GAL3ST1: variants seen among roughly 807,000 people sequenced by gnomAD.
GAL3ST1 encodes the protein galactosylceramide sulfotransferase.
A neutral mutation model predicts 25.0 loss-of-function variants in GAL3ST1; 13 were observed. That is an observed-to-expected ratio of 0.52 (90% CI 0.34 to 0.83). GAL3ST1 has a LOEUF of 0.83. Among genes scored for constraint, GAL3ST1 ranks in the 40% least tolerant of loss-of-function variants. GAL3ST1 has a pLI of 0.02. For synonymous variants in GAL3ST1, 274 were observed against 277.8 expected (o/e 0.99, Z 0.14); for missense variants, 474 against 613.6 (o/e 0.77, Z 2.40).
rs1222913559 is a variant in GAL3ST1, at chr22:30,555,037, G to C, written c.1188C>G (p.Pro396=). The change falls in exon 4 of 4, where the codon CCC becomes CCG. Residue 396 remains proline (P), a synonymous_variant. Coordinates refer to ENST00000406361, the MANE Select transcript of GAL3ST1 (RefSeq NM_001318104.2). This position sits in a 1 kb window ranked among gnomAD's most constrained non-coding sequence, Gnocchi z 8.6. ...HAQLCRRMLT[P]EIQYLMDLGA... Reference sequence around the variant, plus strand: ...CGAGGTCCATCAGGTACTGGATCTCGGGCGTGAGCATGCGCCGGCAGAGCT... The same window carrying C: ...CGAGGTCCATCAGGTACTGGATCTCCGGCGTGAGCATGCGCCGGCAGAGCT... The C allele has an allele frequency of 3.1e-6, 5 of 1,611,188 alleles. No homozygotes were observed. Among genetic ancestry groups the C allele is most frequent in the Non-Finnish European group, 4.2e-6 (5 of 1,178,434 alleles).
At chr22:30,568,346 A>G (rs2086684516) in intron 1 of GAL3ST1, among the ~76,000 whole-genome samples, 1 of 152,148 alleles carries the variant, frequency 6.6e-6, no homozygotes, top group South Asian at 2.1e-4. Context: ...CAGTGTCCTC[A>G]CATAACTGGG....
chr22:30,554,907 C>T lies in GAL3ST1; in HGVS notation c.*46G>A, dbSNP rs2085894936. 2 of 1,455,246 alleles carry T rather than the reference C, an allele frequency of 1.4e-6. No homozygotes were observed. Among genetic ancestry groups the T allele is most frequent in the East Asian group, 4.6e-5 (2 of 43,024 alleles). The allele number at this position is 1,455,246 out of a possible 1,614,324, so 90.1% of individuals were successfully genotyped here. ...GCACCAGCGGCGTCCTGCTCAGCCC[C>T]TCTGCAGGGAGCGAGCAGGCAGGCA... On this transcript the variant is annotated 3_prime_UTR_variant, in exon 4 of 4. Coordinates refer to ENST00000406361, the MANE Select transcript of GAL3ST1 (RefSeq NM_001318104.2).
Position 30,555,384 on chromosome 22 carries a change from G to A in GAL3ST1, c.841C>T (p.Arg281Cys). ...AGCCGCGGCACGGGCGAGTCGCGGC[G>A]GGCGTTGAGCTTGAAGTAGAGCACG... ...EDVLYFKLNARRDSPVPRLSG... is the reference protein window; with the variant it reads ...EDVLYFKLNACRDSPVPRLSG... Residue 281 changes from arginine (R) to cysteine (C), a missense_variant, in exon 4 of 4, where the codon CGC becomes TGC. Coordinates refer to ENST00000406361, the MANE Select transcript of GAL3ST1 (RefSeq NM_001318104.2). The surrounding 1 kb of genome is among the most constrained non-coding windows in gnomAD (Gnocchi z 8.6). 6.2e-7 allele frequency: 1 copy of A among 1,608,578 alleles called. No homozygotes were observed. The highest frequency in any genetic ancestry group is 8.5e-7 in the Non-Finnish European group (1 of 1,179,800).
intron 1 of GAL3ST1, among the ~76,000 whole-genome samples, chr22:30,558,828 A>G (rs879339310): frequency 2.0e-5 from 3 of 152,216 alleles, no homozygotes; most frequent in Non-Finnish European, 4.4e-5. Flanking sequence ...CAGTATAAGT[A>G]TATTCCAAAT....
At chr22:30,574,182 A>G (rs1240435613) in intron 1 of GAL3ST1, among the ~76,000 whole-genome samples, 1 of 151,862 alleles carries the variant, frequency 6.6e-6, no homozygotes, top group East Asian at 2.0e-4. Flanking sequence ...TGCCCCACCC[A>G]TCCCACCTTC....
intron 1 of GAL3ST1, among the ~76,000 whole-genome samples, chr22:30,570,302 T>G (rs1016391315): frequency 6.6e-6 from 1 of 152,206 alleles, no homozygotes; most frequent in Non-Finnish European, 1.5e-5. Context: ...TAGTGCAGAT[T>G]TGACAGCAGC....
At chr22:30,559,541 T>C (rs994159099) in intron 1 of GAL3ST1, among the ~76,000 whole-genome samples, 1 of 152,048 alleles carries the variant, frequency 6.6e-6, no homozygotes, top group African/African-American at 2.4e-5. Flanking sequence ...GCCTGGCCCA[T>C]TTTTATACAT....
chr22:30,559,576 A>AT (rs1256693291), intron 1 of GAL3ST1, among the ~76,000 whole-genome samples: 1 of 151,924 alleles, frequency 6.6e-6, no homozygotes, highest in African/African-American at 2.4e-5. Flanking sequence ...TTATATTATT[A>AT]TTTTTGAGAT....
intron 1 of GAL3ST1, among the ~76,000 whole-genome samples, chr22:30,566,485 G>A (rs912242940): frequency 2.6e-5 from 4 of 152,190 alleles, no homozygotes; most frequent in African/African-American, 9.7e-5. Flanking sequence ...CAAGAAGTGA[G>A]ATCGTGGCTG....
chr22:30,563,811 G>C (rs1356351807), intron 1 of GAL3ST1, among the ~76,000 whole-genome samples: 2 of 151,736 alleles, frequency 1.3e-5, no homozygotes, highest in Non-Finnish European at 2.9e-5. Context: ...AGCTACTCAG[G>C]AGGCTGAGGC....
intron 2 of GAL3ST1, among the ~76,000 whole-genome samples, chr22:30,557,978 C>T (rs2086141847): frequency 6.6e-6 from 1 of 151,684 alleles, no homozygotes; most frequent in Non-Finnish European, 1.5e-5. Flanking sequence ...AAAATAGAGA[C>T]AGTTTTGCCA....
In GAL3ST1 at chr22:30,555,570, A is replaced by G; in HGVS notation, c.655T>C (p.Phe219Leu). The G allele has an allele frequency of 6.2e-7, 1 of 1,613,562 alleles. No homozygotes were observed. Among genetic ancestry groups the G allele is most frequent in the Non-Finnish European group, 8.5e-7 (1 of 1,180,018 alleles). ...CTGTTGTCATAGCCCAGGTCGAAGA[A>G]GAGCAGGTTTCGGAGGTAGTGGGCA... ...FNAHYLRNLL[F>L]FDLGYDNSLD... Residue 219 changes from phenylalanine (F) to leucine (L), a missense_variant, in exon 4 of 4, where the codon TTC becomes CTC. Phe to Leu is a conservative substitution (Grantham distance 22, BLOSUM62 0). Coordinates refer to ENST00000406361, the MANE Select transcript of GAL3ST1 (RefSeq NM_001318104.2). This position sits in a 1 kb window ranked among gnomAD's most constrained non-coding sequence, Gnocchi z 8.6.
intron 1 of GAL3ST1, chr22:30,564,919 C>G (rs1200395333): frequency 1.3e-5 from 2 of 152,226 alleles, no homozygotes; most frequent in African/African-American, 4.8e-5. Flanking sequence ...AGGAATGCTC[C>G]AATGACACCC....
At position 30,557,245 on chromosome 22, in the gene GAL3ST1, C is replaced by A. The variant is rs766926134; in HGVS notation, c.131+17G>T. ...TCCCCCACCTACACCCATCATCTGC[C>A]CAGCTGGGCCACTCACGTGGAGGCC... On this transcript the variant is annotated intron_variant, in intron 3 of 3. Coordinates refer to ENST00000406361, the MANE Select transcript of GAL3ST1 (RefSeq NM_001318104.2). 6.2e-7 allele frequency: 1 copy of A among 1,613,574 alleles called. No homozygotes were observed. Among genetic ancestry groups the A allele is most frequent in the African/African-American group, 1.3e-5 (1 of 74,926 alleles).
At chr22:30,564,545 A>G (rs1209320996) in intron 1 of GAL3ST1, among the ~76,000 whole-genome samples, 2 of 151,952 alleles carry the variant, frequency 1.3e-5, no homozygotes, top group Non-Finnish European at 2.9e-5. Context: ...TCACCAGCCC[A>G]CTCCATCTAT....
intron 1 of GAL3ST1, among the ~76,000 whole-genome samples, chr22:30,570,205 G>C (rs1328201516): frequency 6.6e-6 from 1 of 152,192 alleles, no homozygotes; most frequent in African/African-American, 2.4e-5. Flanking sequence ...AGGTATCCCA[G>C]GGCTTTCTGT....
intron 1 of GAL3ST1, among the ~76,000 whole-genome samples, chr22:30,572,216 C>A (rs2146441776): frequency 6.6e-6 from 1 of 152,320 alleles, no homozygotes; most frequent in South Asian, 2.1e-4. Flanking sequence ...CTGTACCTTA[C>A]AACATGCCTG....
intron 1 of GAL3ST1, among the ~76,000 whole-genome samples, chr22:30,568,802 G>A (rs527646549): frequency 6.6e-6 from 1 of 152,238 alleles, no homozygotes; most frequent in East Asian, 1.9e-4. Flanking sequence ...GAGGCCTGGC[G>A]CAGTGGCTCA....
At chr22:30,559,409 T>TATG (rs2086245261) in intron 1 of GAL3ST1, among the ~76,000 whole-genome samples, 1 of 151,856 alleles carries the variant, frequency 6.6e-6, no homozygotes, top group Admixed American at 6.6e-5. Flanking sequence ...CCCAGCTAAT[T>TATG]TTTGTATTTT....
Sources: gnomAD v4.1 joint callset for allele counts (sites outside exome capture counted in the v4.1 genomes callset) on GRCh38, gnomAD v4.1.1 for gene constraint, Gnocchi (gnomAD v3.1) non-coding constraint, MANE v1.5 for transcripts, NCBI Gene and HGNC (gene_info 2026-07-23, HGNC 2026-07-21) for gene names.